Variants in MMRN1 observed in about 807,000 individuals in gnomAD.
MMRN1 encodes multimerin-1.
Under a neutral mutation model 100.7 loss-of-function variants are expected in MMRN1, and 94 were observed. The ratio of observed to expected loss-of-function variants is 0.93; its 90% CI spans 0.79 to 1.11. The LOEUF (loss-of-function observed/expected upper bound fraction) is 1.11, where lower values mean the gene tolerates loss of function less well. MMRN1 is among the 50% of genes least tolerant of loss of function. MMRN1 has a pLI of 0.00. For synonymous variants in MMRN1, 575 were observed against 505.0 expected (o/e 1.14, Z -1.86); for missense variants, 1,606 against 1,439.1 (o/e 1.12, Z -1.88).
chr4:89,909,542 A>G (rs541343380), intron 2 of MMRN1, 147 bp downstream of exon 2: 3 of 1,022,248 alleles, frequency 2.9e-6, no homozygotes, highest in Non-Finnish European at 4.2e-6. Context: ...GTGAAAATGC[A>G]GACACTAATA....
chr4:89,894,680 G>T, upstream of MMRN1: 1 of 258,728 alleles, frequency 3.9e-6, no homozygotes, highest in Non-Finnish European at 7.2e-6. Flanking sequence ...TTTTTCATGG[G>T]TTTTCCTGAT....
intron 1 of MMRN1, among the ~76,000 whole-genome samples, chr4:89,906,180 A>C (rs1721558615): frequency 6.6e-6 from 1 of 151,480 alleles, no homozygotes; most frequent in Non-Finnish European, 1.5e-5. Context: ...AGTTTCTAAA[A>C]TGTCAAAATA....
chr4:89,928,826 A>G (rs1722345509), intron 5 of MMRN1, among the ~76,000 whole-genome samples: 1 of 152,212 alleles, frequency 6.6e-6, no homozygotes, highest in Admixed American at 6.5e-5. Flanking sequence ...GCTTAACTTT[A>G]ATCACAGTTG....
intron 4 of MMRN1, among the ~76,000 whole-genome samples, chr4:89,924,915 G>A (rs116370523): frequency 0.028 from 4,221 of 152,080 alleles, 96 homozygotes; most frequent in Non-Finnish European, 0.042. Context: ...TACATAGTAG[G>A]TGTATGTACT....
chr4:89,895,615 T>G (rs752820673), intron 1 of MMRN1, 21 bp downstream of exon 1: 8 of 1,601,560 alleles, frequency 5.0e-6, no homozygotes. Flanking sequence ...TTCTTTTCTT[T>G]TTGTTCTTTC....
At position 89,909,257 on chromosome 4, in the gene MMRN1, C is replaced by T. The variant is rs1455367097; in HGVS notation, c.624-19C>T. On this transcript the variant is annotated intron_variant, in intron 1 of 7. Coordinates refer to ENST00000264790, the MANE Select transcript of MMRN1 (RefSeq NM_007351.3). Reference sequence around the variant, plus strand: ...TTTTTGACAACAGTTTTTTCCCTAACAATTATGATCTTCTTTAGGAATTGG... The same window carrying T: ...TTTTTGACAACAGTTTTTTCCCTAATAATTATGATCTTCTTTAGGAATTGG... 2 of 1,561,304 alleles carry T rather than the reference C, an allele frequency of 1.3e-6. No homozygotes were observed. The highest frequency in any genetic ancestry group is 2.0e-5 in the Admixed American group (1 of 49,356).
chr4:89,944,299 C>T (rs1294625465), intron 6 of MMRN1, among the ~76,000 whole-genome samples: 1 of 152,066 alleles, frequency 6.6e-6, no homozygotes, highest in African/African-American at 2.4e-5. Flanking sequence ...GGTGCAAAGC[C>T]CATGCACATT....
At chr4:89,904,834 A>G (rs1721511669) in intron 1 of MMRN1, among the ~76,000 whole-genome samples, 1 of 151,738 alleles carries the variant, frequency 6.6e-6, no homozygotes, top group African/African-American at 2.4e-5. Flanking sequence ...GACTTAGGAC[A>G]CATAGTTTTC....
chr4:89,947,034 C>T (rs532733688), intron 6 of MMRN1, among the ~76,000 whole-genome samples: 5 of 152,246 alleles, frequency 3.3e-5, no homozygotes, highest in Admixed American at 3.3e-4. Context: ...TGTAATCCCA[C>T]ATTTTGGGAG....
chr4:89,911,190 G>A (rs1372755359), intron 2 of MMRN1, among the ~76,000 whole-genome samples: 1 of 151,410 alleles, frequency 6.6e-6, no homozygotes, highest in African/African-American at 2.4e-5. Flanking sequence ...ACATGGGTAA[G>A]ACTAATATGG....
chr4:89,939,367 A>AGT (rs1333814580), intron 6 of MMRN1, among the ~76,000 whole-genome samples: 2 of 152,238 alleles, frequency 1.3e-5, no homozygotes, highest in African/African-American at 4.8e-5. Context: ...ATATAAATAT[A>AGT]GTGTTTTAAT....
chr4:89,911,886 G>T, intron 2 of MMRN1, 58 bp from the exon 3 acceptor site: 1 of 1,180,776 alleles, frequency 8.5e-7, no homozygotes, highest in South Asian at 1.3e-5. Context: ...TATTATTCCG[G>T]CTGATAATTT....
At chr4:89,918,554 C>G (rs1473780667) in intron 3 of MMRN1, among the ~76,000 whole-genome samples, 1 of 151,806 alleles carries the variant, frequency 6.6e-6, no homozygotes, top group Admixed American at 6.6e-5. Flanking sequence ...ATCTTTCTCT[C>G]TCCCTCTCGT....
chr4:89,893,025 C>T (rs1394360575), upstream of MMRN1, among the ~76,000 whole-genome samples: 2 of 151,986 alleles, frequency 1.3e-5, no homozygotes, highest in Admixed American at 1.3e-4. Flanking sequence ...TACTGCTCTT[C>T]CATAAGCCAA....
At chr4:89,927,006 C>T (rs1722283814) in intron 4 of MMRN1, among the ~76,000 whole-genome samples, 1 of 152,086 alleles carries the variant, frequency 6.6e-6, no homozygotes, top group African/African-American at 2.4e-5. Context: ...ATGCCAGTAC[C>T]ATACTGTTTT....
intron 3 of MMRN1, among the ~76,000 whole-genome samples, chr4:89,921,325 C>T (rs570985345): frequency 6.6e-6 from 1 of 152,184 alleles, no homozygotes; most frequent in African/African-American, 2.4e-5. Context: ...TCTAGAAGTT[C>T]TACCTCCAAA....
chr4:89,911,919 TC>T (rs933797080), intron 2 of MMRN1, 24 bp from the exon 3 acceptor site: 2 of 1,436,812 alleles, frequency 1.4e-6, no homozygotes, highest in Non-Finnish European at 1.9e-6. Context: ...ATAATCGATT[TC>T]CCTCCAATTG....
chr4:89,904,466 C>A (rs897297905), intron 1 of MMRN1, among the ~76,000 whole-genome samples: 1 of 148,992 alleles, frequency 6.7e-6, no homozygotes, highest in African/African-American at 2.5e-5. Flanking sequence ...CCATCCCTAG[C>A]AATCACCATT....
intron 1 of MMRN1, among the ~76,000 whole-genome samples, chr4:89,885,236 C>T (rs1720910576): frequency 6.7e-6 from 1 of 149,446 alleles, no homozygotes; most frequent in Non-Finnish European, 1.5e-5. Context: ...TGGTGAATAA[C>T]ATTGCCTGAC....
Sources: allele counts gnomAD v4.1 joint callset (sites outside exome capture counted in the v4.1 genomes callset), GRCh38; gene constraint gnomAD v4.1.1; transcripts MANE v1.5; gene names NCBI Gene and HGNC (gene_info 2026-07-23, HGNC 2026-07-21).